KCNIP1: variants seen among roughly 807,000 people sequenced by gnomAD.
KCNIP1 encodes potassium voltage-gated channel interacting protein 1.
KCNIP1 carries 18 observed loss-of-function variants against 33.0 expected under a neutral mutation model. The observed-to-expected ratio is 0.55, with a 90% confidence interval of 0.38 to 0.81. KCNIP1 has a LOEUF of 0.81. KCNIP1 is among the 30% of genes least tolerant of loss of function. The probability of loss-of-function intolerance (pLI) is 0.00; values close to 1 mark genes in which losing one functional copy is unlikely to be tolerated. For synonymous variants in KCNIP1, 93 were observed against 98.3 expected (o/e 0.95, Z 0.32); for missense variants, 238 against 271.6 (o/e 0.88, Z 0.87).
In KCNIP1 at chr5:170,544,788, T is replaced by A. The variant is rs77496963; in HGVS notation, c.61+40155T>A. On this transcript the variant is annotated intron_variant, in intron 1 of 7. Coordinates refer to ENST00000328939, the MANE Select transcript of KCNIP1 (RefSeq NM_014592.4). Reference sequence around the variant, plus strand: ...TAGTGTATTTTTAAGTTAAGACTTTTACTTCTTCCTGAACAATGCAAGAAC... The same window carrying A: ...TAGTGTATTTTTAAGTTAAGACTTTAACTTCTTCCTGAACAATGCAAGAAC... Among the ~76,000 whole-genome samples the A allele has an allele frequency of 4.9e-3, 742 of 152,332 alleles. 5 individuals are homozygous for A. The highest frequency in any genetic ancestry group is 0.017 in the African/African-American group (698 of 41,590).
At chr5:170,619,441 G>T (rs986143043) in intron 1 of KCNIP1, among the ~76,000 whole-genome samples, 2 of 152,162 alleles carry the variant, frequency 1.3e-5, no homozygotes, top group African/African-American at 2.4e-5. Context: ...ACAAAGGTTT[G>T]CCAGGAGCCT....
intron 1 of KCNIP1, among the ~76,000 whole-genome samples, chr5:170,578,149 G>A (rs547130276): frequency 1.3e-5 from 2 of 152,328 alleles, no homozygotes; most frequent in Admixed American, 1.3e-4. Flanking sequence ...GCAGATGAAA[G>A]GCTCTCACCT....
chr5:170,413,823 A>C (rs7443788), intron 1 of KCNIP1, among the ~76,000 whole-genome samples: 105,266 of 151,456 alleles, frequency 0.7, 36,899 homozygotes, highest in African/African-American at 0.79. Flanking sequence ...GAAGCCACTC[A>C]CTTCTCTCTT....
chr5:170,385,594 C>A (rs1199582902), intron 1 of KCNIP1: 5 of 931,940 alleles, frequency 5.4e-6, no homozygotes, highest in East Asian at 2.6e-5. Flanking sequence ...ATATTTGGAG[C>A]TTTGCAACTT....
At chr5:170,653,722 G>A (rs1761147567) in intron 1 of KCNIP1, among the ~76,000 whole-genome samples, 1 of 151,430 alleles carries the variant, frequency 6.6e-6, no homozygotes, top group Non-Finnish European at 1.5e-5. Flanking sequence ...CCCTTTACCT[G>A]TAGACATGCT....
chr5:170,366,693 C>T (rs1018502150), intron 1 of KCNIP1, among the ~76,000 whole-genome samples: 2 of 152,216 alleles, frequency 1.3e-5, no homozygotes, highest in African/African-American at 4.8e-5. Context: ...GCAAGGAACA[C>T]CCTTGAGTAA....
intron 1 of KCNIP1, among the ~76,000 whole-genome samples, chr5:170,540,272 C>T (rs1445487689): frequency 5.3e-5 from 8 of 152,236 alleles, no homozygotes; most frequent in Non-Finnish European, 1.0e-4. Context: ...GAGACAGCAG[C>T]TGCTAGGCTT....
At chr5:170,382,487 C>G (rs1181190282) in intron 1 of KCNIP1, among the ~76,000 whole-genome samples, 1 of 152,104 alleles carries the variant, frequency 6.6e-6, no homozygotes. Flanking sequence ...CTGCATACAC[C>G]CCATCATGGG....
chr5:170,698,275 A>C (rs1762968651), intron 1 of KCNIP1, among the ~76,000 whole-genome samples: 1 of 152,214 alleles, frequency 6.6e-6, no homozygotes, highest in Admixed American at 6.5e-5. Context: ...AGAGAGGGTT[A>C]GTGACTTACC....
intron 1 of KCNIP1, among the ~76,000 whole-genome samples, chr5:170,386,813 G>A (rs1398664214): frequency 1.3e-5 from 2 of 152,048 alleles, no homozygotes; most frequent in Non-Finnish European, 2.9e-5. Flanking sequence ...AGCAGAATGG[G>A]CACATTCTGC....
At position 170,491,898 on chromosome 5, in the gene KCNIP1, A is replaced by G. The variant is rs191139679; in HGVS notation, c.88+137934A>G. ...TGAAAATAGGGCCCAGCTCGATGGC[A>G]TATAAAGGCCCTCTGACTTCCAGTA... On this transcript the variant is annotated intron_variant, in intron 1 of 7. Transcript: ENST00000377360. Among the ~76,000 whole-genome samples, 153 of 152,334 alleles carry G rather than the reference A, an allele frequency of 1.0e-3. 1 individual carries two copies. The highest frequency in any genetic ancestry group is 9.5e-3 in the Admixed American group (146 of 15,300).
intron 1 of KCNIP1, among the ~76,000 whole-genome samples, chr5:170,464,415 AC>A (rs1395633537): frequency 6.6e-6 from 1 of 152,218 alleles, no homozygotes; most frequent in Non-Finnish European, 1.5e-5. Context: ...ATTGCAAGTG[AC>A]CCCAAATAGC....
Position 170,392,840 on chromosome 5 carries a change from C to T in KCNIP1, c.88+38876C>T, listed in dbSNP as rs181996394. ...CTCCATCTAAACCAAAACAAACAAA[C>T]AAAAAAAGTGCTTTATCTACTCTTA... On this transcript the variant is annotated intron_variant, in intron 1 of 7. Coordinates refer to the KCNIP1 transcript ENST00000377360. Among the ~76,000 whole-genome samples, 9 of 151,936 alleles carry T rather than the reference C, an allele frequency of 5.9e-5. No individual in the cohort carries two copies. In the East Asian group the frequency reaches 1.5e-3, roughly 26 times the overall value.
intron 5 of KCNIP1, among the ~76,000 whole-genome samples, chr5:170,724,143 T>A (rs529624239): frequency 6.6e-6 from 1 of 152,250 alleles, no homozygotes; most frequent in East Asian, 1.9e-4. Context: ...TTTAGAGAAA[T>A]TATATTCACA....
At chr5:170,593,562 C>G (rs946330534) in intron 1 of KCNIP1, among the ~76,000 whole-genome samples, 7 of 152,238 alleles carry the variant, frequency 4.6e-5, no homozygotes, top group African/African-American at 1.7e-4. Flanking sequence ...CCCCCTTCCA[C>G]CTATGAATAG....
chr5:170,384,547 T>C (rs1311267063), intron 1 of KCNIP1, among the ~76,000 whole-genome samples: 1 of 152,098 alleles, frequency 6.6e-6, no homozygotes, highest in Non-Finnish European at 1.5e-5. Context: ...CATCAACATA[T>C]TAGTAAATCA....
chr5:170,580,581 C>T (rs1215071150), intron 1 of KCNIP1, among the ~76,000 whole-genome samples: 3 of 152,104 alleles, frequency 2.0e-5, no homozygotes, highest in Non-Finnish European at 4.4e-5. Context: ...TGGTCATGTT[C>T]AGGTTGGCTA....
chr5:170,532,957 T>C (rs1242898785), intron 1 of KCNIP1, among the ~76,000 whole-genome samples: 9 of 152,220 alleles, frequency 5.9e-5, no homozygotes, highest in Non-Finnish European at 7.3e-5. Flanking sequence ...GCATGTAGCC[T>C]TCCGGATCTG....
At chr5:170,533,900 C>T (rs1755873756) in intron 1 of KCNIP1, among the ~76,000 whole-genome samples, 1 of 152,176 alleles carries the variant, frequency 6.6e-6, no homozygotes, top group Admixed American at 6.5e-5. Flanking sequence ...TTCCAGTGGG[C>T]AGCGGGAGTG....
Sources: allele counts gnomAD v4.1 joint callset (sites outside exome capture counted in the v4.1 genomes callset), GRCh38; gene constraint gnomAD v4.1.1; transcripts MANE v1.5; gene names NCBI Gene and HGNC (gene_info 2026-07-23, HGNC 2026-07-21).